The following C1orf52 variants were observed in gnomAD, a reference collection of about 807,000 sequenced individuals.
C1orf52 encodes the protein UPF0690 protein C1orf52.
C1orf52 carries 5 observed loss-of-function variants against 17.2 expected under a neutral mutation model. The observed-to-expected ratio is 0.29, with a 90% confidence interval of 0.15 to 0.61. C1orf52 has a LOEUF of 0.61. Ranked by LOEUF, C1orf52 falls within the 20% of genes least tolerant of loss-of-function variation. C1orf52 has a pLI of 0.85. For synonymous variants in C1orf52, 110 were observed against 88.0 expected, an observed-to-expected ratio of 1.25 and a Z score of -1.40; for missense variants, 245 against 234.1, an observed-to-expected ratio of 1.05 and a Z score of -0.30.
intron 2 of C1orf52, chr1:85,257,381 G>A (rs1357932602): frequency 2.9e-6 from 2 of 684,038 alleles, no homozygotes; most frequent in African/African-American, 1.8e-5. Flanking sequence ...ACTAGCCAGA[G>A]ATAAGAAAGA....
At chr1:85,256,729 G>A (rs1362595784) in intron 2 of C1orf52, among the ~76,000 whole-genome samples, 1 of 148,494 alleles carries the variant, frequency 6.7e-6, no homozygotes, top group Non-Finnish European at 1.5e-5. Context: ...AACCCGGGAG[G>A]CGGAGCTTGC....
chr1:85,251,359 C>T lies in C1orf52; in HGVS notation c.*1270G>A, dbSNP rs1262963801. 4 of 152,124 alleles carry T rather than the reference C, an allele frequency of 2.6e-5. No homozygotes were observed. The highest frequency in any genetic ancestry group is 4.8e-5 in the African/African-American group (2 of 41,448). 9.4% of individuals were successfully genotyped at this position (152,124 alleles called of 1,614,324 possible). A position where few individuals can be genotyped will look rare whatever the true frequency, so the allele number is the denominator to read the frequency against. The stretch of plus-strand genomic sequence containing the variant: ...AGCCACCATGCTTGGCTGTCTTGTT[C>T]TTATACACTGAATGTGCACTGTTCT... On this transcript the variant is annotated 3_prime_UTR_variant, in exon 3 of 3. Coordinates refer to ENST00000471115, the MANE Select transcript of C1orf52 (RefSeq NM_198077.4).
Position 85,259,487 on chromosome 1 carries a change from C to T in C1orf52, c.147G>A (p.Arg49=). Residue 49 remains arginine (R), a synonymous_variant, in exon 1 of 3, where the codon AGG becomes AGA. Transcript: ENST00000471115. ...CCGGGAGCCGCTTCTCCGCCTTGTT[C>T]CTACAGCCGCCCGCCGACTTCGCCG... ...PDPAKSAGGC[R]NKAEKRLPGP... is the part of the protein sequence containing the mutation. The T allele has an allele frequency of 6.2e-7, 1 of 1,613,900 alleles. No homozygotes were observed. Among genetic ancestry groups the T allele is most frequent in the Non-Finnish European group, 8.5e-7 (1 of 1,180,010 alleles).
chr1:85,259,076 G>T (rs1660022173), intron 1 of C1orf52: 1 of 1,345,472 alleles, frequency 7.4e-7, no homozygotes, highest in Non-Finnish European at 9.6e-7. Flanking sequence ...AGCGGGGGGG[G>T]CGGGGGAGTC....
rs1659761243 is a variant in C1orf52 at position 85,250,049 on chromosome 1, G to C, written c.*2580C>G. The stretch of plus-strand genomic sequence containing the variant: ...GCAAGAGGAGCAAGACACATCTTAT[G>C]TGGAGGGCAGCAGGCAGAGAGCTTG... On this transcript the variant is annotated 3_prime_UTR_variant, in exon 3 of 3. Coordinates refer to ENST00000471115, the MANE Select transcript of C1orf52 (RefSeq NM_198077.4). 1 of 152,908 alleles carries C rather than the reference G, an allele frequency of 6.5e-6. No individual in the cohort carries two copies. The highest frequency in any genetic ancestry group is 2.1e-4 in the South Asian group (1 of 4,840). The allele number at this position is 152,908 out of a possible 1,614,324, so 9.5% of individuals were successfully genotyped here. A position where few individuals can be genotyped will look rare whatever the true frequency, so the allele number is the denominator to read the frequency against.
rs2100735382 is a variant in C1orf52 at position 85,258,875 on chromosome 1, A to T, written c.277-153T>A. ...CACATTTTTCCATCAAAATCACAATACTGTTAAGTGAAAAGCCAAAGGGTT... is the reference window on the plus strand; with the variant it reads ...CACATTTTTCCATCAAAATCACAATTCTGTTAAGTGAAAAGCCAAAGGGTT... On this transcript the variant is annotated intron_variant, in intron 1 of 2. Transcript: ENST00000471115. 4 of 1,425,504 alleles carry T rather than the reference A, an allele frequency of 2.8e-6. No individual in the cohort carries two copies. In the East Asian group the frequency reaches 7.5e-5, roughly 27 times the overall value. 88.3% of individuals were successfully genotyped at this position (1,425,504 alleles called of 1,614,324 possible).
rs1382759029 is a variant in C1orf52 at position 85,250,632 on chromosome 1, C to G, written c.*1997G>C. 1 of 152,242 alleles carries G rather than the reference C, an allele frequency of 6.6e-6. No individual in the cohort carries two copies. Among genetic ancestry groups the G allele is most frequent in the East Asian group, 1.9e-4 (1 of 5,192 alleles). The allele number at this position is 152,242 out of a possible 1,614,324, so 9.4% of individuals were successfully genotyped here. ...TGTCTTCCTCCTCATACAACATACT[C>G]TGCACATCTCCCAGGAAAGAGAGAA... On this transcript the variant is annotated 3_prime_UTR_variant, in exon 3 of 3. Coordinates refer to ENST00000471115, the MANE Select transcript of C1orf52 (RefSeq NM_198077.4).
intron 2 of C1orf52, among the ~76,000 whole-genome samples, chr1:85,253,344 C>A (rs1659848702): frequency 6.6e-6 from 1 of 152,084 alleles, no homozygotes; most frequent in African/African-American, 2.4e-5. Context: ...TATCAGCTGT[C>A]CTTTTCCTTT....
chr1:85,258,738 A>G lies in C1orf52; in HGVS notation c.277-16T>C. The G allele has an allele frequency of 6.3e-7, 1 of 1,589,030 alleles. No homozygotes were observed. Among genetic ancestry groups the G allele is most frequent in the Non-Finnish European group, 8.5e-7 (1 of 1,171,638 alleles). On this transcript the variant is annotated splice_polypyrimidine_tract_variant and intron_variant, in intron 1 of 2. Coordinates refer to ENST00000471115, the MANE Select transcript of C1orf52 (RefSeq NM_198077.4). ...CCTTTGGAGGCTGTTAAGCAAGCAC[A>G]TTAAGAAGCACTGTGACGAACCGAG...
intron 2 of C1orf52, among the ~76,000 whole-genome samples, chr1:85,253,152 T>C (rs1329410871): frequency 6.6e-6 from 1 of 152,232 alleles, no homozygotes; most frequent in African/African-American, 2.4e-5. Context: ...AGGGGCTTTA[T>C]TGGCCCAACC....
rs1391442437 is a variant in C1orf52, at chr1:85,251,239, T to C, written c.*1390A>G. 6.6e-6 allele frequency: 1 copy of C among 152,250 alleles called. No homozygotes were observed. Among genetic ancestry groups the C allele is most frequent in the African/African-American group, 2.4e-5 (1 of 41,480 alleles). The allele number at this position is 152,250 out of a possible 1,614,324, so 9.4% of individuals were successfully genotyped here. On this transcript the variant is annotated 3_prime_UTR_variant, in exon 3 of 3. Transcript: ENST00000471115. ...CTTTCTAAATTATTTTTTGTAAAGA[T>C]GAGGTCTTATCATGTTGTCTAGGCT...
In C1orf52 at chr1:85,258,607, A is replaced by C. The variant is rs764719927; in HGVS notation, c.392T>G (p.Ile131Arg). ...ELDMAIKWSN[I>R]YEDNGDDAPQ... ...AGCATCATCACCATTGTCCTCATAT[A>C]TGTTAGACCATTTTATTGCCATGTC... is the stretch of plus-strand genomic sequence containing the variant. Residue 131 changes from isoleucine to arginine, a missense_variant, in exon 2 of 3, where the codon ATA (isoleucine) becomes AGA (arginine). Ile to Arg is a moderately conservative substitution (Grantham distance 97). Transcript: ENST00000471115. The C allele has an allele frequency of 6.2e-7, 1 of 1,614,070 alleles. No homozygotes were observed. The highest frequency in any genetic ancestry group is 1.7e-5 in the Admixed American group (1 of 60,020).
chr1:85,258,144 A>G (rs1177492256), intron 2 of C1orf52, among the ~76,000 whole-genome samples: 1 of 151,994 alleles, frequency 6.6e-6, no homozygotes, highest in East Asian at 1.9e-4. Flanking sequence ...AAAAAAAAGA[A>G]AAAGAAGAAA....
At chr1:85,259,221 A>T in intron 1 of C1orf52, 137 bp downstream of exon 1, 1 of 975,630 alleles carries the variant, frequency 1.0e-6, no homozygotes, top group Non-Finnish European at 1.4e-6. Flanking sequence ...CCAGGGCTTG[A>T]GGTGGGAGGG....
chr1:85,257,347 G>A (rs1282207338), intron 2 of C1orf52: 1 of 648,630 alleles, frequency 1.5e-6, no homozygotes, highest in Non-Finnish European at 2.8e-6. Flanking sequence ...CTTTTGATTT[G>A]GATTTTGAAG....
rs900782479 is a variant in C1orf52, at chr1:85,252,354, A to G, written c.*275T>C. 1 of 396,826 alleles carries G rather than the reference A, an allele frequency of 2.5e-6. No individual in the cohort carries two copies. The highest frequency in any genetic ancestry group is 4.5e-6 in the Non-Finnish European group (1 of 222,140). 24.6% of individuals were successfully genotyped at this position (396,826 alleles called of 1,614,324 possible). On this transcript the variant is annotated 3_prime_UTR_variant, in exon 3 of 3. Transcript: ENST00000471115. ...AACATTGGCATGTCAACATGTGACA[A>G]AACTCTCAAAGCATGTCACCAATTC... is the stretch of plus-strand genomic sequence containing the variant.
intron 2 of C1orf52, chr1:85,257,592 T>G (rs1003234239): frequency 3.1e-6 from 2 of 649,970 alleles, no homozygotes; most frequent in Non-Finnish European, 5.6e-6. Flanking sequence ...ATACGACTTT[T>G]AGAAACTCAA....
rs1272124631 is a variant in C1orf52 at position 85,250,941 on chromosome 1, A to AT, written c.*1687dup. The AT allele has an allele frequency of 6.6e-6, 1 of 152,160 alleles. No individual in the cohort carries two copies. The highest frequency in any genetic ancestry group is 1.5e-5 in the Non-Finnish European group (1 of 68,032). 9.4% of individuals were successfully genotyped at this position (152,160 alleles called of 1,614,324 possible). ...TATTCTTGCTTTAGCAATTACTTCA[A>AT]TTTTGGGATTCATATATTTGCAAAC... On this transcript the variant is annotated 3_prime_UTR_variant, in exon 3 of 3. Transcript: ENST00000471115.
At chr1:85,258,783 G>A in intron 1 of C1orf52, 61 bp from the exon 2 acceptor site, 1 of 1,473,002 alleles carries the variant, frequency 6.8e-7, no homozygotes, top group South Asian at 1.3e-5. Context: ...ATGGACGTGG[G>A]CACATGCAAC....
Sources: allele counts gnomAD v4.1 joint callset (sites outside exome capture counted in the v4.1 genomes callset), GRCh38; gene constraint gnomAD v4.1.1; transcripts MANE v1.5; gene names NCBI Gene and HGNC (gene_info 2026-07-23, HGNC 2026-07-21).